The following ZZZ3 variants were observed in gnomAD, a reference collection of about 807,000 sequenced individuals.
ZZZ3 encodes the protein ZZ-type zinc finger-containing protein 3.
ZZZ3 carries 22 observed loss-of-function variants against 95.2 expected under a neutral mutation model. That is an observed-to-expected ratio of 0.23 (90% CI 0.17 to 0.33). ZZZ3 has a LOEUF of 0.33. ZZZ3 is among the 10% of genes least tolerant of loss of function. ZZZ3 has a pLI of 1.00. For missense variants in ZZZ3, 885 were observed against 1,066.5 expected, an observed-to-expected ratio of 0.83 and a Z score of 2.37; for synonymous variants, 335 against 358.9, an observed-to-expected ratio of 0.93 and a Z score of 0.75.
chr1:77,662,903 G>A (rs555473516), intron 1 of ZZZ3, among the ~76,000 whole-genome samples: 6 of 152,150 alleles, frequency 3.9e-5, no homozygotes, highest in Non-Finnish European at 7.4e-5. Context: ...TCAGGAGTTG[G>A]AGACCAGCCT....
chr1:77,650,313 T>C (rs931893077), intron 1 of ZZZ3, among the ~76,000 whole-genome samples: 1 of 152,272 alleles, frequency 6.6e-6, no homozygotes, highest in South Asian at 2.1e-4. Flanking sequence ...ATTTCAATTA[T>C]AAATAGTCTA....
chr1:77,657,937 A>C (rs1461533795), intron 1 of ZZZ3, among the ~76,000 whole-genome samples: 2 of 151,966 alleles, frequency 1.3e-5, no homozygotes, highest in Non-Finnish European at 2.9e-5. Context: ...CCAGCACTTT[A>C]GGAGGCCAAG....
chr1:77,626,775 T>C (rs1667377415), intron 5 of ZZZ3, among the ~76,000 whole-genome samples: 1 of 152,220 alleles, frequency 6.6e-6, no homozygotes. Context: ...TTAGTAATCT[T>C]TGACTTTAAT....
At chr1:77,605,589 T>C (rs1354501264) in intron 5 of ZZZ3, among the ~76,000 whole-genome samples, 1 of 152,120 alleles carries the variant, frequency 6.6e-6, no homozygotes, top group Non-Finnish European at 1.5e-5. Context: ...TTTCTTTCAC[T>C]TGAGGAAAGG....
chr1:77,672,075 ATTGT>A (rs1671835500), intron 1 of ZZZ3, among the ~76,000 whole-genome samples: 1 of 152,146 alleles, frequency 6.6e-6, no homozygotes, highest in African/African-American at 2.4e-5. Context: ...TAAAACATGA[ATTGT>A]TTATTTCTTG....
intron 1 of ZZZ3, among the ~76,000 whole-genome samples, chr1:77,676,468 T>C (rs912070732): frequency 6.6e-6 from 1 of 152,214 alleles, no homozygotes; most frequent in Non-Finnish European, 1.5e-5. Flanking sequence ...GTGGCCAGCA[T>C]AGTACTTTTA....
intron 5 of ZZZ3, among the ~76,000 whole-genome samples, chr1:77,625,824 T>C (rs1284044080): frequency 1.3e-5 from 2 of 149,832 alleles, no homozygotes; most frequent in Non-Finnish European, 3.0e-5. Flanking sequence ...ACTCTGTCTC[T>C]ACTAAAAAAA....
chr1:77,623,987 A>T (rs936188960), intron 5 of ZZZ3, among the ~76,000 whole-genome samples: 2 of 152,200 alleles, frequency 1.3e-5, no homozygotes, highest in African/African-American at 2.4e-5. Context: ...TATACATTAC[A>T]ATATCTGATA....
At chr1:77,603,041 T>C (rs758836651) in intron 5 of ZZZ3, among the ~76,000 whole-genome samples, 3 of 151,948 alleles carry the variant, frequency 2.0e-5, no homozygotes, top group Non-Finnish European at 2.9e-5. Flanking sequence ...AAAAAAAAAC[T>C]TCTGAAAACC....
intron 1 of ZZZ3, among the ~76,000 whole-genome samples, chr1:77,643,983 T>A (rs1346748710): frequency 6.6e-6 from 1 of 152,220 alleles, no homozygotes; most frequent in Admixed American, 6.5e-5. Flanking sequence ...ACTATGATTT[T>A]AAATGATTTT....
At chr1:77,601,934 A>T (rs1664772910) in intron 5 of ZZZ3, among the ~76,000 whole-genome samples, 2 of 152,238 alleles carry the variant, frequency 1.3e-5, no homozygotes. Flanking sequence ...GGGGACAGAT[A>T]CAGACAAATT....
At chr1:77,669,119 AAAAG>A (rs1257036203) in intron 1 of ZZZ3, among the ~76,000 whole-genome samples, 1 of 152,176 alleles carries the variant, frequency 6.6e-6, no homozygotes, top group African/African-American at 2.4e-5. Flanking sequence ...TAAAGCTCTT[AAAAG>A]AAAGTGTCAT....
chr1:77,643,519 A>G (rs559203969), intron 1 of ZZZ3, among the ~76,000 whole-genome samples: 1 of 152,246 alleles, frequency 6.6e-6, no homozygotes, highest in Non-Finnish European at 1.5e-5. Flanking sequence ...TCCTAAAGCC[A>G]TCTTATTTAT....
chr1:77,675,326 T>A (rs999460592), intron 1 of ZZZ3, among the ~76,000 whole-genome samples: 7 of 152,064 alleles, frequency 4.6e-5, no homozygotes, highest in African/African-American at 1.7e-4. Context: ...TCCTTTAACT[T>A]CTGACCAATT....
intron 1 of ZZZ3, among the ~76,000 whole-genome samples, chr1:77,644,548 CA>C (rs1234797330): frequency 6.6e-6 from 1 of 152,126 alleles, no homozygotes; most frequent in African/African-American, 2.4e-5. Context: ...AATAGAAAGA[CA>C]ATAGGAAGAA....
intron 12 of ZZZ3, 39 bp from the exon 13 acceptor site, chr1:77,568,505 A>G (rs1437019393): frequency 9.7e-7 from 1 of 1,031,566 alleles, no homozygotes; most frequent in South Asian, 1.6e-5. Flanking sequence ...TTGGTTTGGT[A>G]ATTAAAATGA....
intron 1 of ZZZ3, among the ~76,000 whole-genome samples, chr1:77,669,669 G>A (rs1045983729): frequency 6.6e-5 from 10 of 151,904 alleles, no homozygotes; most frequent in Non-Finnish European, 1.2e-4. Flanking sequence ...TGTTGGCCAG[G>A]CTGGTCTTGA....
At chr1:77,617,261 G>A (rs1212869993) in intron 5 of ZZZ3, among the ~76,000 whole-genome samples, 2 of 152,046 alleles carry the variant, frequency 1.3e-5, no homozygotes, top group African/African-American at 4.8e-5. Context: ...ACCCCAAAAG[G>A]AAATCCTATA....
chr1:77,595,078 ATG>A (rs1207688614), intron 5 of ZZZ3, among the ~76,000 whole-genome samples: 1 of 152,038 alleles, frequency 6.6e-6, no homozygotes, highest in Non-Finnish European at 1.5e-5. Flanking sequence ...CATTCACTGT[ATG>A]TTCTGTTACA....
Sources: gnomAD v4.1 joint callset for allele counts (sites outside exome capture counted in the v4.1 genomes callset) on GRCh38, gnomAD v4.1.1 for gene constraint, MANE v1.5 for transcripts, NCBI Gene and HGNC (gene_info 2026-07-23, HGNC 2026-07-21) for gene names.